Variants in PEX2 observed in about 807,000 individuals in gnomAD.
PEX2 encodes the protein peroxisome biogenesis factor 2.
PEX2 carries 19 observed loss-of-function variants against 25.2 expected under a neutral mutation model. The ratio of observed to expected loss-of-function variants is 0.75; its 90% CI spans 0.53 to 1.10. PEX2 has a LOEUF of 1.10. PEX2 is among the 50% of genes least tolerant of loss of function. PEX2 has a pLI of 0.00. For missense variants in PEX2, 347 were observed against 350.6 expected (o/e 0.99, Z 0.08); for synonymous variants, 141 against 127.7 (o/e 1.10, Z -0.70).
chr8:77,000,957 GAGAGTT>G (rs1388604492), upstream of PEX2: 4 of 152,194 alleles, frequency 2.6e-5, no homozygotes, highest in East Asian at 7.8e-4. Flanking sequence ...TGTCTCTCTA[GAGAGTT>G]AGTGCTTAAG....
At chr8:76,985,296 G>A (rs570555359) in intron 3 of PEX2, among the ~76,000 whole-genome samples, 19 of 152,196 alleles carry the variant, frequency 1.2e-4, no homozygotes, top group Middle Eastern at 6.8e-3. Context: ...ATGGTGGTTG[G>A]TAGGGGCTGG....
rs1298170845 is a variant in PEX2 at position 76,983,074 on chromosome 8, C to T, written c.*187G>A. 5.0e-6 allele frequency: 7 copies of T among 1,396,694 alleles called. No homozygotes were observed. Among genetic ancestry groups the T allele is most frequent in the South Asian group, 3.0e-5 (2 of 65,818 alleles). 86.5% of individuals were successfully genotyped at this position (1,396,694 alleles called of 1,614,324 possible). ...TGATTTAAAAAACATAATACATTAA[C>T]ATTTACATAATATATTTAGAATCAC... On this transcript the variant is annotated 3_prime_UTR_variant, in exon 4 of 4. Coordinates refer to ENST00000357039, the MANE Select transcript of PEX2 (RefSeq NM_000318.3).
At chr8:76,987,544 T>G (rs1046528580) in intron 2 of PEX2, among the ~76,000 whole-genome samples, 2 of 152,106 alleles carry the variant, frequency 1.3e-5, no homozygotes, top group Non-Finnish European at 1.5e-5. Context: ...GGTACGCAAA[T>G]AACTAGTAAG....
At position 76,983,356 on chromosome 8, in the gene PEX2, C is replaced by G. The variant is rs1381118595; in HGVS notation, c.823G>C (p.Asp275His). The part of the protein sequence containing the change: ...YFCAKSSFLF[D>H]VYFTCPKCGT... ...CACTTAGGACAAGTAAAGTACACGT[C>G]AAATAAGAAACTACTCTTAGCACAG... The change falls in exon 4 of 4, where the codon GAC becomes CAC. Residue 275 changes from aspartate to histidine, a missense_variant. Physicochemically the swap from Asp to His is moderately conservative, Grantham distance 81. Coordinates refer to ENST00000357039, the MANE Select transcript of PEX2 (RefSeq NM_000318.3). 1.2e-6 allele frequency: 2 copies of G among 1,613,960 alleles called. No individual in the cohort carries two copies. Among genetic ancestry groups the G allele is most frequent in the Non-Finnish European group, 1.7e-6 (2 of 1,179,996 alleles).
chr8:76,980,911 T>C lies in PEX2; in HGVS notation c.*2350A>G, dbSNP rs1194987439. 2 of 152,228 alleles carry C rather than the reference T, an allele frequency of 1.3e-5. No individual in the cohort carries two copies. The highest frequency in any genetic ancestry group is 2.9e-5 in the Non-Finnish European group (2 of 68,048). The allele number at this position is 152,228 out of a possible 1,614,324, so 9.4% of individuals were successfully genotyped here. A position where few individuals can be genotyped will look rare whatever the true frequency, so the allele number is the denominator to read the frequency against. ...GCCCTAGGTTATACACAAGTGGGAT[T>C]TGAATTCTAGCGGAATCTGTGTCCC... is the stretch of plus-strand genomic sequence containing the variant. On this transcript the variant is annotated 3_prime_UTR_variant, in exon 4 of 4. Coordinates refer to ENST00000357039, the MANE Select transcript of PEX2 (RefSeq NM_000318.3).
At chr8:76,993,718 T>A (rs970992179) in intron 1 of PEX2, among the ~76,000 whole-genome samples, 7 of 152,204 alleles carry the variant, frequency 4.6e-5, no homozygotes, top group African/African-American at 1.4e-4. Flanking sequence ...CACCATTAAA[T>A]TTAATTCTAA....
At chr8:76,984,959 G>C (rs1036398451) in intron 3 of PEX2, among the ~76,000 whole-genome samples, 3 of 151,552 alleles carry the variant, frequency 2.0e-5, no homozygotes, top group African/African-American at 7.3e-5. Flanking sequence ...AATAGACTAA[G>C]GAAACAAATT....
Position 76,981,048 on chromosome 8 carries a change from C to T in PEX2, c.*2213G>A, listed in dbSNP as rs1806807055. ...TGGGCCTGCAGTGTGCAGCTGGACT[C>T]TTCACTTAATGAACTCAGATTCAAC... On this transcript the variant is annotated 3_prime_UTR_variant, in exon 4 of 4. Transcript: ENST00000357039. 6.6e-6 allele frequency: 1 copy of T among 152,220 alleles called. No individual in the cohort carries two copies. Among genetic ancestry groups the T allele is most frequent in the Non-Finnish European group, 1.5e-5 (1 of 68,040 alleles). 9.4% of individuals were successfully genotyped at this position (152,220 alleles called of 1,614,324 possible). A position where few individuals can be genotyped will look rare whatever the true frequency, so the allele number is the denominator to read the frequency against.
chr8:76,989,475 G>C (rs573125387), intron 1 of PEX2, among the ~76,000 whole-genome samples: 2 of 152,116 alleles, frequency 1.3e-5, no homozygotes, highest in East Asian at 3.9e-4. Flanking sequence ...AATTTACTTT[G>C]CCCAGATCCA....
intron 1 of PEX2, among the ~76,000 whole-genome samples, chr8:76,997,100 T>C (rs1322864353): frequency 6.6e-6 from 1 of 152,156 alleles, no homozygotes; most frequent in Non-Finnish European, 1.5e-5. Flanking sequence ...GGGAAAGAAA[T>C]TAAAGGAATG....
chr8:77,000,763 C>T (rs1807490116), upstream of PEX2: 1 of 152,338 alleles, frequency 6.6e-6, no homozygotes, highest in Non-Finnish European at 1.5e-5. Flanking sequence ...TGAGGTTTCC[C>T]GCCCCCGGAG....
At chr8:77,000,300 CTCTGTCTCTGATTGG>C, upstream of PEX2, 1 of 300,018 alleles carries the variant, frequency 3.3e-6, no homozygotes, top group African/African-American at 2.3e-5. Flanking sequence ...GCCGGAAGAA[CTCTGTCTCTGATTGG>C]CAGGAGAGTC....
chr8:76,999,927 C>A, intron 1 of PEX2, 63 bp downstream of exon 1: 2 of 456,598 alleles, frequency 4.4e-6, no homozygotes, highest in South Asian at 3.1e-5. Context: ...TGAAACTCCA[C>A]GACCTCCCAG....
In PEX2 at chr8:76,997,858, A is replaced by G. The variant is rs547069799; in HGVS notation, c.-160+2132T>C. On this transcript the variant is annotated intron_variant, in intron 1 of 3. Coordinates refer to ENST00000357039, the MANE Select transcript of PEX2 (RefSeq NM_000318.3). ...CACTAGACATCCCTTCTTTGCCTCC[A>G]CTTCCATGTAAAGAAACTACAGGGC... Among the ~76,000 whole-genome samples the G allele has an allele frequency of 5.3e-5, 8 of 152,324 alleles. No homozygotes were observed. In the East Asian group the frequency reaches 1.5e-3, roughly 29 times the overall value.
intron 1 of PEX2, among the ~76,000 whole-genome samples, chr8:76,996,507 A>T (rs111469228): frequency 0.023 from 3,433 of 152,340 alleles, 42 homozygotes; most frequent in Middle Eastern, 0.061. Flanking sequence ...GTATAGGCAC[A>T]AACTATGGGA....
intron 2 of PEX2, 77 bp from the exon 3 acceptor site, chr8:76,986,373 T>G (rs935462032): frequency 5.3e-5 from 8 of 152,222 alleles, no homozygotes; most frequent in African/African-American, 1.9e-4. Flanking sequence ...TGCCAAGGAC[T>G]GTTGGTACGT....
In PEX2 at chr8:76,983,009, A is replaced by G; in HGVS notation, c.*252T>C. The G allele has an allele frequency of 9.7e-7, 1 of 1,026,852 alleles. No homozygotes were observed. The allele number at this position is 1,026,852 out of a possible 1,614,324, so 63.6% of individuals were successfully genotyped here. On this transcript the variant is annotated 3_prime_UTR_variant, in exon 4 of 4. Transcript: ENST00000357039. ...GAGCATTGTTAGTAGTCACCTGACA[A>G]AAGCTGTCCATTATTCTTGACATTA... is the stretch of plus-strand genomic sequence containing the variant.
intron 1 of PEX2, among the ~76,000 whole-genome samples, chr8:76,997,476 G>T (rs1349747215): frequency 1.3e-5 from 2 of 152,168 alleles, no homozygotes; most frequent in African/African-American, 4.8e-5. Context: ...GGCTGAGGTA[G>T]GAGAACTGCT....
At chr8:77,000,173 C>T (rs1349530904), upstream of PEX2, 1 of 316,288 alleles carries the variant, frequency 3.2e-6, no homozygotes, top group African/African-American at 2.2e-5. Context: ...GAGAACTGCG[C>T]TTTAGCGGCG....
Sources: allele counts gnomAD v4.1 joint callset (sites outside exome capture counted in the v4.1 genomes callset), GRCh38; gene constraint gnomAD v4.1.1; transcripts MANE v1.5; gene names NCBI Gene and HGNC (gene_info 2026-07-23, HGNC 2026-07-21).